CDH7: variants seen among roughly 807,000 people sequenced by gnomAD.
CDH7 encodes cadherin-7.
CDH7 carries 25 observed loss-of-function variants against 71.8 expected under a neutral mutation model. That is an observed-to-expected ratio of 0.35 (90% CI 0.25 to 0.49). The LOEUF (loss-of-function observed/expected upper bound fraction) is 0.49. Ranked by LOEUF, CDH7 falls within the 20% of genes least tolerant of loss-of-function variation. The pLI, the probability that CDH7 is intolerant of heterozygous loss-of-function variation, is 0.99. For synonymous variants in CDH7, 381 were observed against 363.8 expected, an observed-to-expected ratio of 1.05 and a Z score of -0.54; for missense variants, 862 against 974.6, an observed-to-expected ratio of 0.88 and a Z score of 1.54.
intron 10 of CDH7, among the ~76,000 whole-genome samples, chr18:65,860,069 A>G (rs1418801470): frequency 6.6e-6 from 1 of 152,172 alleles, no homozygotes; most frequent in Non-Finnish European, 1.5e-5. Context: ...TTCTTTTCTT[A>G]TAAGCACTCG....
At chr18:65,784,740 A>G (rs1237233187) in intron 2 of CDH7, among the ~76,000 whole-genome samples, 1 of 152,190 alleles carries the variant, frequency 6.6e-6, no homozygotes, top group African/African-American at 2.4e-5. Context: ...CTCCGTGTTG[A>G]ATCCTTAAAT....
intron 2 of CDH7, among the ~76,000 whole-genome samples, chr18:65,783,798 G>A (rs1277035267): frequency 1.3e-5 from 2 of 151,860 alleles, no homozygotes; most frequent in Non-Finnish European, 2.9e-5. Flanking sequence ...GATAGAGAAA[G>A]ACACCAAGAA....
At chr18:65,761,196 C>A (rs1916181484) in intron 1 of CDH7, among the ~76,000 whole-genome samples, 1 of 152,042 alleles carries the variant, frequency 6.6e-6, no homozygotes, top group African/African-American at 2.4e-5. Flanking sequence ...TCTGGAATAT[C>A]AAAACTTTAT....
chr18:65,880,507 C>T lies in CDH7; in HGVS notation c.1971C>T (p.Gly657=), dbSNP rs772297804. 1.1e-5 allele frequency: 18 copies of T among 1,611,528 alleles called. No homozygotes were observed. In the Admixed American group the frequency reaches 1.7e-4, roughly 15 times the overall value. ...RENIVRYDDE[G]GGEEDTEAFD... ...ATATTGTGAGATACGATGACGAGGG[C>T]GGGGGAGAGGAGGACACGGAAGCGT... Residue 657 remains glycine (G), a synonymous_variant, in exon 12 of 12, where the codon GGC becomes GGT. Transcript: ENST00000397968.
chr18:65,805,416 A>G (rs1911279626), intron 2 of CDH7, among the ~76,000 whole-genome samples: 1 of 152,148 alleles, frequency 6.6e-6, no homozygotes, highest in Admixed American at 6.5e-5. Context: ...GGCCTGGGAG[A>G]TAGTATGGAG....
In CDH7 at chr18:65,840,672, G is replaced by A. The variant is rs537633583; in HGVS notation, c.982-3140G>A. ...AAGCTCTTCTCTTGTCTGCCACCAC[G>A]TGAGATGTGCCTTTCACCTTCTGTC... is the stretch of plus-strand genomic sequence containing the variant. On this transcript the variant is annotated intron_variant, in intron 6 of 11. Coordinates refer to ENST00000397968, the MANE Select transcript of CDH7 (RefSeq NM_004361.5). 6.6e-5 allele frequency among the ~76,000 whole-genome samples: 10 copies of A among 152,180 alleles called. No individual in the cohort carries two copies. The East Asian group carries it at 1.2e-3, about 18-fold the overall frequency.
chr18:65,831,974 T>C (rs1274594106), intron 6 of CDH7, among the ~76,000 whole-genome samples: 3 of 152,142 alleles, frequency 2.0e-5, no homozygotes, highest in East Asian at 3.9e-4. Flanking sequence ...CAACCAGACA[T>C]TGCTCAGATG....
At chr18:65,772,659 A>C (rs1916581359) in intron 2 of CDH7, among the ~76,000 whole-genome samples, 1 of 152,214 alleles carries the variant, frequency 6.6e-6, no homozygotes, top group Non-Finnish European at 1.5e-5. Context: ...TATGGTATAA[A>C]ATAAAAGGAA....
chr18:65,835,317 G>A (rs941337360), intron 6 of CDH7, among the ~76,000 whole-genome samples: 1 of 152,164 alleles, frequency 6.6e-6, no homozygotes, highest in African/African-American at 2.4e-5. Context: ...ATAAAGTATT[G>A]TGGACACAGG....
rs139731218 is a variant in CDH7 at position 65,804,932 on chromosome 18, G to C, written c.211-4772G>C. Among the ~76,000 whole-genome samples the C allele has an allele frequency of 1.5e-3, 222 of 152,200 alleles. 4 individuals are homozygous for C. The East Asian group carries it at 0.036, about 25-fold the overall frequency. ...CATCTAAGTGGTTCAGAGGATTATG[G>C]AGAACAAACCAGAGATACAGGATGT... is the stretch of plus-strand genomic sequence containing the variant. On this transcript the variant is annotated intron_variant, in intron 2 of 11. Coordinates refer to ENST00000397968, the MANE Select transcript of CDH7 (RefSeq NM_004361.5).
chr18:65,820,725 A>G (rs1435702433), intron 4 of CDH7, among the ~76,000 whole-genome samples: 3 of 152,192 alleles, frequency 2.0e-5, no homozygotes, highest in East Asian at 3.9e-4. Context: ...TAAAAAGACA[A>G]TTAGAAGTGT....
intron 7 of CDH7, among the ~76,000 whole-genome samples, chr18:65,849,690 G>T (rs1913077043): frequency 6.6e-6 from 1 of 151,658 alleles, no homozygotes; most frequent in Admixed American, 6.6e-5. Flanking sequence ...TGGGATTACA[G>T]GTATGAGCCA....
chr18:65,772,864 C>G (rs760458902), intron 2 of CDH7, among the ~76,000 whole-genome samples: 1 of 152,024 alleles, frequency 6.6e-6, no homozygotes, highest in Non-Finnish European at 1.5e-5. Context: ...GAGGAGGAAG[C>G]GCATTCTGTT....
chr18:65,810,090 A>G, intron 3 of CDH7, 92 bp downstream of exon 3: 2 of 1,144,896 alleles, frequency 1.7e-6, no homozygotes, highest in Non-Finnish European at 2.5e-6. Context: ...TGAAAAAAAA[A>G]AAAACCTTAC....
intron 1 of CDH7, among the ~76,000 whole-genome samples, chr18:65,759,331 A>C (rs1598983476): frequency 6.9e-6 from 1 of 145,464 alleles, no homozygotes; most frequent in South Asian, 2.2e-4. Context: ...TGAAACCTCC[A>C]CCTCCCGAGT....
At position 65,762,634 on chromosome 18, in the gene CDH7, T is replaced by A; in HGVS notation, c.-196-13T>A. ...TTGGTTCCTGACACCAGCTCTTCTC[T>A]TTGTTCTGATAGGTACTTACTACAC... is the stretch of plus-strand genomic sequence containing the variant. On this transcript the variant is annotated splice_polypyrimidine_tract_variant and intron_variant, in intron 1 of 11. Transcript: ENST00000397968. 2.2e-6 allele frequency: 1 copy of A among 449,004 alleles called. No homozygotes were observed. The allele number at this position is 449,004 out of a possible 1,614,324, so 27.8% of individuals were successfully genotyped here.
intron 7 of CDH7, among the ~76,000 whole-genome samples, chr18:65,849,963 A>G (rs1295989454): frequency 6.6e-6 from 1 of 151,718 alleles, no homozygotes; most frequent in East Asian, 2.0e-4. Context: ...CAGGAATTCG[A>G]GACCAGCCTG....
At chr18:65,847,836 C>T (rs956565468) in intron 7 of CDH7, among the ~76,000 whole-genome samples, 1 of 152,062 alleles carries the variant, frequency 6.6e-6, no homozygotes, top group Non-Finnish European at 1.5e-5. Context: ...TCTAGACCAC[C>T]ATTTCATGTA....
In CDH7 at chr18:65,885,683, T is replaced by C. The variant is rs917780929; in HGVS notation, c.*4789T>C. On this transcript the variant is annotated 3_prime_UTR_variant, in exon 12 of 12. Transcript: ENST00000397968. Reference sequence around the variant, plus strand: ...GCCCGGCCCTGTGTGTGCGTTTTCATGTGTGTGATTGGGAACCTTGAGAGA... The same window carrying C: ...GCCCGGCCCTGTGTGTGCGTTTTCACGTGTGTGATTGGGAACCTTGAGAGA... 3 of 152,140 alleles carry C rather than the reference T, an allele frequency of 2.0e-5. No homozygotes were observed. Among genetic ancestry groups the C allele is most frequent in the African/African-American group, 7.2e-5 (3 of 41,416 alleles). 9.4% of individuals were successfully genotyped at this position (152,140 alleles called of 1,614,324 possible).
Sources: allele counts gnomAD v4.1 joint callset (sites outside exome capture counted in the v4.1 genomes callset), GRCh38; gene constraint gnomAD v4.1.1; transcripts MANE v1.5; gene names NCBI Gene and HGNC (gene_info 2026-07-23, HGNC 2026-07-21).